The following PLEC variants were observed in gnomAD, a reference collection of about 807,000 sequenced individuals.
PLEC encodes plectin.
PLEC carries 216 observed loss-of-function variants against 392.8 expected under a neutral mutation model. The ratio of observed to expected loss-of-function variants is 0.55; its 90% CI spans 0.49 to 0.62. PLEC has a LOEUF of 0.62. Ranked by LOEUF, PLEC falls within the 20% of genes least tolerant of loss-of-function variation. The pLI is 0.00. For synonymous variants in PLEC, 3,621 were observed against 2,980.6 expected, an observed-to-expected ratio of 1.21 and a Z score of -7.00; for missense variants, 6,863 against 6,563.4, an observed-to-expected ratio of 1.05 and a Z score of -1.58.
intron 1 of PLEC, among the ~76,000 whole-genome samples, chr8:143,938,996 T>TCC (rs143293850): frequency 5.8e-4 from 88 of 151,338 alleles, no homozygotes; most frequent in South Asian, 1.3e-3. Flanking sequence ...CGTCCTGCAG[T>TCC]CCCCCCCGGC....
At position 143,924,672 on chromosome 8, in the gene PLEC, G is replaced by A. The variant is rs1023956161; in HGVS notation, c.5257C>T (p.Leu1753=). Residue 1753 remains leucine, a synonymous_variant, in exon 31 of 32, where the codon CTG becomes TTG. Coordinates refer to ENST00000345136, the MANE Select transcript of PLEC (RefSeq NM_201384.3). ...CGCACCTTGGCCAGCTCGGCTTCCA[G>A]CTCCTGCCGTTTCTGCGTGGCTGCA... ...AAAATQKRQE[L]EAELAKVRAE... 7.8e-6 allele frequency: 12 copies of A among 1,534,876 alleles called. No individual in the cohort carries two copies. The Middle Eastern group carries it at 6.7e-4, about 85-fold the overall frequency.
chr8:143,975,520 C>T, upstream of PLEC: 1 of 698,022 alleles, frequency 1.4e-6, no homozygotes, highest in South Asian at 1.6e-5. This position sits in a 1 kb window ranked among gnomAD's most constrained non-coding sequence, Gnocchi z 9.9. Flanking sequence ...ACCCCTCCTG[C>T]ACTCTGCTGT....
In PLEC at chr8:143,932,646, C is replaced by T. The variant is rs782622642; in HGVS notation, c.1804G>A (p.Ala602Thr). 1.6e-5 allele frequency: 26 copies of T among 1,610,768 alleles called. No homozygotes were observed. The highest frequency in any genetic ancestry group is 8.9e-5 in the East Asian group (4 of 44,832). ...CTGCCCCCACTCACCAGCAGCTTGG[C>T]GTACTGCAGGTCCAGCCGACCCAGG... ...DCLGRLDLQY[A>T]KLLNSSKARL... Residue 602 changes from alanine to threonine, a missense_variant, in exon 15 of 32, where the codon GCC becomes ACC. By Grantham distance (58) the Ala-to-Thr change is moderately conservative. Coordinates refer to ENST00000345136, the MANE Select transcript of PLEC (RefSeq NM_201384.3).
At chr8:143,936,090 G>C in intron 5 of PLEC, 76 bp from the exon 6 acceptor site, 8 of 1,540,010 alleles carry the variant, frequency 5.2e-6, no homozygotes, top group Non-Finnish European at 7.1e-6. Flanking sequence ...CACATGCACA[G>C]GGGCAGGGGT....
Position 143,936,017 on chromosome 8 carries a change from G to C in PLEC, c.436-3C>G. 1 of 1,611,258 alleles carries C rather than the reference G, an allele frequency of 6.2e-7. No homozygotes were observed. The highest frequency in any genetic ancestry group is 8.5e-7 in the Non-Finnish European group (1 of 1,179,904). On this transcript the variant is annotated splice_polypyrimidine_tract_variant and splice_region_variant and intron_variant, in intron 5 of 31. Transcript: ENST00000345136. ...CCACTCACCTGGATATCTGAGATCT[G>C]CTCACAGCAGAGAGGAGGCCACAGC...
Position 143,930,448 on chromosome 8 carries a change from T to C in PLEC, c.2393A>G (p.His798Arg), listed in dbSNP as rs1554713869. Residue 798 changes from histidine (H) to arginine (R), a missense_variant, in exon 20 of 32, where the codon CAC (histidine) becomes CGC (arginine). Physicochemically the swap from His to Arg is conservative, Grantham distance 29. Coordinates refer to ENST00000345136, the MANE Select transcript of PLEC (RefSeq NM_201384.3). ...AKAVVQLKPR[H>R]PAHPMRGRLP... is the part of the protein sequence containing the mutation. ...GCGGCCCCGCATGGGGTGGGCTGGG[T>C]GGCGGGGCTTCAGCTGCACGACGGC... is the stretch of plus-strand genomic sequence containing the variant. 6.3e-7 allele frequency: 1 copy of C among 1,577,392 alleles called. No individual in the cohort carries two copies. The highest frequency in any genetic ancestry group is 8.6e-7 in the Non-Finnish European group (1 of 1,162,470).
At chr8:143,950,584 G>A (rs374708902) in exon 1 of PLEC, 471 of 1,607,942 alleles carry the variant, frequency 2.9e-4, no homozygotes, top group Admixed American at 4.4e-4. Context: ...TGGTGACGCC[G>A]GGCACATGGG....
chr8:143,921,897 G>A lies in PLEC; in HGVS notation c.7924C>T (p.Pro2642Ser), dbSNP rs782331341. The A allele has an allele frequency of 2.5e-6, 4 of 1,600,544 alleles. No homozygotes were observed. The Admixed American group carries it at 5.0e-5, about 20-fold the overall frequency. The change falls in exon 32 of 32, where the codon CCG becomes TCG. Residue 2642 changes from proline (P) to serine (S), a missense_variant. By Grantham distance (74) the Pro-to-Ser change is moderately conservative. Coordinates refer to ENST00000345136, the MANE Select transcript of PLEC (RefSeq NM_201384.3). ...CGCAGGCCATCGAAGCTGTGCTCCGGCTCTGCCTCTGCCGCGGGGCCATCA... is the reference window on the plus strand; with the variant it reads ...CGCAGGCCATCGAAGCTGTGCTCCGACTCTGCCTCTGCCGCGGGGCCATCA... ...ALDGPAAEAE[P>S]EHSFDGLRRK...
intron 2 of PLEC, 158 bp downstream of exon 2, chr8:143,938,473 A>C: frequency 6.5e-7 from 1 of 1,545,364 alleles, no homozygotes; most frequent in South Asian, 1.2e-5. Flanking sequence ...AGGCAGGAGC[A>C]GGCGTAGGGA....
At chr8:143,945,411 C>T (rs1831314223) in intron 1 of PLEC, 2 of 321,254 alleles carry the variant, frequency 6.2e-6, no homozygotes, top group South Asian at 2.4e-5. Context: ...ACAGGCAGGC[C>T]CACAGCATAT....
Position 143,918,282 on chromosome 8 carries a change from C to T in PLEC, c.11539G>A (p.Val3847Met), listed in dbSNP as rs201654895. Residue 3847 changes from valine to methionine, a missense_variant, in exon 32 of 32, where the codon GTG (valine) becomes ATG (methionine). Transcript: ENST00000345136. Reference sequence around the variant, plus strand: ...AGGCGCTCGTCGGTGGACGGGTCCACGTAGCTGCGCACCTCGCTGGGCTCT... The same window carrying T: ...AGGCGCTCGTCGGTGGACGGGTCCATGTAGCTGCGCACCTCGCTGGGCTCT... The part of the protein sequence containing the change: ...LSEPSEVRSY[V>M]DPSTDERLSY... The T allele has an allele frequency of 9.8e-5, 156 of 1,592,876 alleles. No individual in the cohort carries two copies. In the African/African-American group the frequency reaches 1.5e-3, roughly 15 times the overall value.
At chr8:143,962,408 T>C (rs1446777001) in intron 1 of PLEC, among the ~76,000 whole-genome samples, 1 of 152,216 alleles carries the variant, frequency 6.6e-6, no homozygotes, top group Admixed American at 6.5e-5. Flanking sequence ...AAAAGATAAA[T>C]TTCTATTGTT....
At chr8:143,933,831 G>A (rs1307241655) in intron 12 of PLEC, among the ~76,000 whole-genome samples, 167 bp downstream of exon 12, 2 of 152,320 alleles carry the variant, frequency 1.3e-5, no homozygotes, top group East Asian at 1.9e-4. Flanking sequence ...AGCTGCACAC[G>A]AGGAGGGAGG....
At chr8:143,931,223 G>A (rs1389683729) in intron 19 of PLEC, among the ~76,000 whole-genome samples, 1 of 152,150 alleles carries the variant, frequency 6.6e-6, no homozygotes, top group Admixed American at 6.5e-5. Flanking sequence ...TGGAGATGGG[G>A]GCGGCCCGGC....
In PLEC at chr8:143,934,308, C is replaced by T. The variant is rs982686033; in HGVS notation, c.1169+10G>A. The stretch of plus-strand genomic sequence containing the variant: ...GGGTGGTTCCCCTGCCACCACAGGG[C>T]CCCACCCACCTCTCAAACTCGCTGC... On this transcript the variant is annotated intron_variant, in intron 11 of 31. Transcript: ENST00000345136. 2 of 1,611,386 alleles carry T rather than the reference C, an allele frequency of 1.2e-6. No homozygotes were observed. Among genetic ancestry groups the T allele is most frequent in the African/African-American group, 1.3e-5 (1 of 75,036 alleles).
chr8:143,937,207 C>T lies in PLEC; in HGVS notation c.300G>A (p.Leu100=). Residue 100 remains leucine (L), a synonymous_variant, in exon 4 of 32, where the codon CTG becomes CTA. Transcript: ENST00000345136. ...AGTCCAGGGCAATCTGGACATTCTGCAGCTTGTGGAAACGCATCCTCCCCT... is the reference window on the plus strand; with the variant it reads ...AGTCCAGGGCAATCTGGACATTCTGTAGCTTGTGGAAACGCATCCTCCCCT... ...REKGRMRFHK[L]QNVQIALDYL... The T allele has an allele frequency of 6.2e-7, 1 of 1,612,806 alleles. No homozygotes were observed.
rs1030376760 is a variant in PLEC at position 143,938,476 on chromosome 8, C to T, written c.174+155G>A. The T allele has an allele frequency of 7.0e-5, 108 of 1,545,196 alleles. 1 individual carries two copies. The Middle Eastern group carries it at 8.4e-4, about 12-fold the overall frequency. On this transcript the variant is annotated intron_variant, in intron 2 of 31. Coordinates refer to ENST00000345136, the MANE Select transcript of PLEC (RefSeq NM_201384.3). ...GGAGGAAGAGAGAGGCAGGAGCAGG[C>T]GTAGGGAAGAAAGAGGACAGAAAAT...
In PLEC at chr8:143,924,925, C is replaced by T. The variant is rs1824418564; in HGVS notation, c.5004G>A (p.Glu1668=). Residue 1668 remains glutamate, a synonymous_variant, in exon 31 of 32, where the codon GAG becomes GAA. Coordinates refer to ENST00000345136, the MANE Select transcript of PLEC (RefSeq NM_201384.3). ...AQAEAEKQKE[E]AEREARRRGK... is the part of the protein sequence containing the mutation. Reference sequence around the variant, plus strand: ...CGCGCCGCCGCGCCTCGCGCTCCGCCTCCTCCTTCTGCTTCTCAGCCTCGG... The same window carrying T: ...CGCGCCGCCGCGCCTCGCGCTCCGCTTCCTCCTTCTGCTTCTCAGCCTCGG... The T allele has an allele frequency of 3.2e-6, 5 of 1,584,816 alleles. No individual in the cohort carries two copies. Among genetic ancestry groups the T allele is most frequent in the Non-Finnish European group, 3.4e-6 (4 of 1,173,426 alleles).
chr8:143,933,229 T>A lies in PLEC; in HGVS notation c.1386A>T (p.Gly462=). Residue 462 remains glycine, a synonymous_variant, in exon 13 of 32, where the codon GGA becomes GGT. Coordinates refer to ENST00000345136, the MANE Select transcript of PLEC (RefSeq NM_201384.3). ...ACATCTGCTCGCCCTGCGGGTGCCG[T>A]CCATCCTTGAGGGTCTGCACGTCGT... ...LFNDVQTLKD[G]RHPQGEQMYR... The A allele has an allele frequency of 6.2e-7, 1 of 1,612,882 alleles. No homozygotes were observed. The highest frequency in any genetic ancestry group is 1.1e-5 in the South Asian group (1 of 91,080).
Sources: gnomAD v4.1 joint callset for allele counts (sites outside exome capture counted in the v4.1 genomes callset) on GRCh38, gnomAD v4.1.1 for gene constraint, Gnocchi (gnomAD v3.1) non-coding constraint, MANE v1.5 for transcripts, NCBI Gene and HGNC (gene_info 2026-07-23, HGNC 2026-07-21) for gene names.